The following LTBP1 variants were observed in gnomAD, a reference collection of about 807,000 sequenced individuals.
LTBP1 encodes latent-transforming growth factor beta-binding protein 1.
Under a neutral mutation model 207.6 loss-of-function variants are expected in LTBP1, and 129 were observed. The observed-to-expected ratio is 0.62, with a 90% CI of 0.54 to 0.72. LTBP1 has a LOEUF of 0.72. LTBP1 is among the 30% of genes least tolerant of loss of function. LTBP1 has a pLI of 0.00. For missense variants in LTBP1, 2,281 were observed against 2,217.2 expected (o/e 1.03, Z -0.58); for synonymous variants, 963 against 833.7 (o/e 1.16, Z -2.67).
chr2:33,118,533 C>T (rs1227580072), intron 4 of LTBP1, among the ~76,000 whole-genome samples: 1 of 152,146 alleles, frequency 6.6e-6, no homozygotes, highest in African/African-American at 2.4e-5. Flanking sequence ...CTAAAGATTC[C>T]TGAAAGAAAG....
chr2:33,358,379 A>G (rs1486005879), intron 26 of LTBP1, among the ~76,000 whole-genome samples: 1 of 151,948 alleles, frequency 6.6e-6, no homozygotes, highest in Non-Finnish European at 1.5e-5. Context: ...TGTTTACCAT[A>G]TATGTATTTG....
At chr2:33,387,672 C>T (rs2095278509) in intron 31 of LTBP1, among the ~76,000 whole-genome samples, 2 of 151,996 alleles carry the variant, frequency 1.3e-5, no homozygotes, top group Admixed American at 6.5e-5. Context: ...CCTCATTCCT[C>T]CAGTCATTTA....
chr2:33,256,724 C>CTA (rs10529995), intron 11 of LTBP1, among the ~76,000 whole-genome samples: 120 of 68,662 alleles, frequency 1.7e-3, no homozygotes, highest in Middle Eastern at 7.6e-3. Context: ...GGAGGGCTAA[C>CTA]TATATATATA....
chr2:32,996,547 T>C, intron 2 of LTBP1, among the ~76,000 whole-genome samples: 1 of 152,112 alleles, frequency 6.6e-6, no homozygotes, highest in Non-Finnish European at 1.5e-5. Flanking sequence ...ATGCTGGGGG[T>C]GCAGTGGTGA....
intron 24 of LTBP1, among the ~76,000 whole-genome samples, chr2:33,330,774 G>A (rs1395833046): frequency 8.3e-6 from 1 of 120,504 alleles, no homozygotes; most frequent in Admixed American, 8.3e-5. Context: ...TTTTTTTTTT[G>A]CTTTGTTCTT....
At chr2:33,387,162 C>A (rs2095273318) in intron 31 of LTBP1, among the ~76,000 whole-genome samples, 1 of 152,160 alleles carries the variant, frequency 6.6e-6, no homozygotes, top group African/African-American at 2.4e-5. Context: ...AACATCTCCT[C>A]TAGATCACAA....
In LTBP1 at chr2:33,217,572, C is replaced by A; in HGVS notation, c.1722C>A (p.Gly574=). ...IGSQCGKALP[G]LSKQEDCCGT... is the part of the protein sequence containing the mutation. ...TGCAGTGTGGCAAAGCGCTCCCTGG[C>A]CTTTCAAAGCAAGAGGACTGCTGTG... Residue 574 remains glycine, a synonymous_variant, in exon 8 of 34, where the codon GGC becomes GGA. Transcript: ENST00000404816. 1 of 1,613,814 alleles carries A rather than the reference C, an allele frequency of 6.2e-7. No homozygotes were observed. The highest frequency in any genetic ancestry group is 1.1e-5 in the South Asian group (1 of 91,068).
chr2:33,112,310 A>G (rs1032742198), intron 4 of LTBP1, among the ~76,000 whole-genome samples: 3 of 152,222 alleles, frequency 2.0e-5, no homozygotes, highest in Non-Finnish European at 2.9e-5. Flanking sequence ...GTGTGTATAT[A>G]TGTATTTTAA....
At chr2:33,270,215 C>T (rs892227818) in intron 15 of LTBP1, among the ~76,000 whole-genome samples, 5 of 151,952 alleles carry the variant, frequency 3.3e-5, no homozygotes, top group Non-Finnish European at 5.9e-5. Flanking sequence ...CCACTGCACA[C>T]AGCCTCTGAT....
intron 5 of LTBP1, among the ~76,000 whole-genome samples, chr2:33,179,056 T>C (rs1162438598): frequency 2.5e-5 from 3 of 120,376 alleles, no homozygotes; most frequent in African/African-American, 5.4e-5. Flanking sequence ...CATGCTTTTA[T>C]TTGCTGTTTT....
chr2:33,106,362 A>G (rs1182586666), intron 3 of LTBP1, among the ~76,000 whole-genome samples: 1 of 152,222 alleles, frequency 6.6e-6, no homozygotes, highest in Non-Finnish European at 1.5e-5. Flanking sequence ...AATCCTTTCC[A>G]GATGTTTTCC....
chr2:33,054,148 G>A (rs868660734), intron 3 of LTBP1, among the ~76,000 whole-genome samples: 1 of 152,154 alleles, frequency 6.6e-6, no homozygotes, highest in African/African-American at 2.4e-5. Context: ...TATAGGGGTT[G>A]GGTACAACTG....
chr2:32,995,799 A>G (rs528693221), intron 2 of LTBP1, among the ~76,000 whole-genome samples: 4 of 152,184 alleles, frequency 2.6e-5, no homozygotes, highest in African/African-American at 9.6e-5. Context: ...AAAACAAACA[A>G]ACAAACAAAA....
intron 14 of LTBP1, among the ~76,000 whole-genome samples, 181 bp downstream of exon 14, chr2:33,263,002 G>C (rs1383194827): frequency 6.7e-6 from 1 of 149,702 alleles, no homozygotes; most frequent in Non-Finnish European, 1.5e-5. Flanking sequence ...GATTGTAGTG[G>C]GAAAGATAGG....
chr2:32,971,042 GTC>G (rs1356813125), intron 2 of LTBP1, among the ~76,000 whole-genome samples: 6 of 136,586 alleles, frequency 4.4e-5, no homozygotes, highest in Non-Finnish European at 6.5e-5. Context: ...GTGTGTGTGT[GTC>G]TGTCTGTCTT....
At chr2:33,164,185 C>T (rs2084714005) in intron 5 of LTBP1, among the ~76,000 whole-genome samples, 1 of 151,292 alleles carries the variant, frequency 6.6e-6, no homozygotes, top group Non-Finnish European at 1.5e-5. Flanking sequence ...CCCGTCTCTA[C>T]TAAAAATACA....
chr2:32,982,459 A>G (rs1197052970), intron 2 of LTBP1, among the ~76,000 whole-genome samples: 1 of 152,236 alleles, frequency 6.6e-6, no homozygotes, highest in African/African-American at 2.4e-5. Context: ...TGTGTAAGTA[A>G]CAAGGAGCCC....
intron 33 of LTBP1, among the ~76,000 whole-genome samples, chr2:33,397,712 C>T (rs1425726153): frequency 1.4e-5 from 2 of 139,660 alleles, no homozygotes; most frequent in East Asian, 2.1e-4. Context: ...TTAGTAGAGA[C>T]GGGATTTCAC....
At chr2:32,976,029 G>A (rs1681723895) in intron 2 of LTBP1, among the ~76,000 whole-genome samples, 1 of 152,122 alleles carries the variant, frequency 6.6e-6, no homozygotes. Flanking sequence ...ATCTGTGTGG[G>A]CTGATATTCC....
Sources: gnomAD v4.1 joint callset for allele counts (sites outside exome capture counted in the v4.1 genomes callset) on GRCh38, gnomAD v4.1.1 for gene constraint, MANE v1.5 for transcripts, NCBI Gene and HGNC (gene_info 2026-07-23, HGNC 2026-07-21) for gene names.